The following DLGAP2 variants were observed in gnomAD, a reference collection of about 807,000 sequenced individuals.
DLGAP2 encodes DLG associated protein 2.
In DLGAP2, 26 loss-of-function variants were observed where a neutral mutation model predicts 100.3. That is an observed-to-expected ratio of 0.26 (90% confidence interval 0.19 to 0.36). The LOEUF (loss-of-function observed/expected upper bound fraction) is 0.36, where lower values mean the gene tolerates loss of function less well. Ranked by LOEUF, DLGAP2 falls within the 10% of genes least tolerant of loss-of-function variation. The pLI, the probability that DLGAP2 is intolerant of heterozygous loss-of-function variation, is 1.00. For synonymous variants in DLGAP2, 886 were observed against 630.1 expected (o/e 1.41, Z -6.08); for missense variants, 1,858 against 1,453.2 (o/e 1.28, Z -4.53).
chr8:1,289,710 G>A (rs1026530857), intron 3 of DLGAP2, among the ~76,000 whole-genome samples: 4 of 152,136 alleles, frequency 2.6e-5, no homozygotes, highest in African/African-American at 2.4e-5. Context: ...ACCCCCCCGA[G>A]GCTAATGTTG....
At chr8:1,359,316 G>T (rs988966975) in intron 3 of DLGAP2, among the ~76,000 whole-genome samples, 12 of 152,218 alleles carry the variant, frequency 7.9e-5, no homozygotes, top group Non-Finnish European at 1.3e-4. Flanking sequence ...CTGGTTAGAC[G>T]CCTTCACCCA....
intron 2 of DLGAP2, among the ~76,000 whole-genome samples, chr8:1,015,142 T>C (rs867029003): frequency 4.8e-4 from 7 of 14,468 alleles, no homozygotes; most frequent in South Asian, 7.2e-3. Flanking sequence ...GCCTCCACTG[T>C]GTGTGTGACC....
At chr8:748,522 G>C (rs112827896) in intron 1 of DLGAP2, among the ~76,000 whole-genome samples, 3,038 of 152,236 alleles carry the variant, frequency 0.02, 42 homozygotes, top group African/African-American at 0.044. Context: ...CCTGGCATTT[G>C]TTTTCTCCCA....
At chr8:1,162,166 G>T (rs1161603297) in intron 2 of DLGAP2, among the ~76,000 whole-genome samples, 1 of 152,210 alleles carries the variant, frequency 6.6e-6, no homozygotes, top group South Asian at 2.1e-4. Flanking sequence ...CAGCAGGGGC[G>T]GCCAGTGCTG....
At chr8:1,205,237 C>T (rs753001019) in intron 2 of DLGAP2, among the ~76,000 whole-genome samples, 2 of 152,178 alleles carry the variant, frequency 1.3e-5, no homozygotes, top group Admixed American at 6.5e-5. Context: ...AATGCTCTGC[C>T]TCAGTAAAGT....
At chr8:809,427 G>T (rs996245861) in intron 1 of DLGAP2, among the ~76,000 whole-genome samples, 1 of 149,528 alleles carries the variant, frequency 6.7e-6, no homozygotes, top group African/African-American at 2.5e-5. Flanking sequence ...CATCAGTAAC[G>T]TGCTTAGGGT....
At chr8:909,877 T>A (rs749395897) in intron 2 of DLGAP2, among the ~76,000 whole-genome samples, 2 of 152,226 alleles carry the variant, frequency 1.3e-5, no homozygotes, top group Non-Finnish European at 2.9e-5. Flanking sequence ...TTAGGAGATC[T>A]TGTTTGGAAA....
chr8:787,800 G>T (rs956655930), intron 1 of DLGAP2, among the ~76,000 whole-genome samples: 2 of 152,220 alleles, frequency 1.3e-5, no homozygotes, highest in African/African-American at 4.8e-5. Context: ...TACACTGGTG[G>T]TGCTGTTGGG....
At chr8:953,564 TTTCTGAAAG>T (rs1453786153) in intron 2 of DLGAP2, among the ~76,000 whole-genome samples, 3 of 152,230 alleles carry the variant, frequency 2.0e-5, no homozygotes, top group Non-Finnish European at 4.4e-5. Context: ...TTCAGTTGTT[TTTCTGAAAG>T]TTATAGTGTC....
intron 2 of DLGAP2, among the ~76,000 whole-genome samples, chr8:1,143,229 A>G (rs527830635): frequency 6.6e-6 from 1 of 152,308 alleles, no homozygotes; most frequent in Admixed American, 6.5e-5. Flanking sequence ...AACACATACA[A>G]TGTGCTGGAA....
chr8:1,067,139 CATTCTTCTGTG>C (rs1803280035), intron 2 of DLGAP2, among the ~76,000 whole-genome samples: 1 of 152,224 alleles, frequency 6.6e-6, no homozygotes, highest in South Asian at 2.1e-4. Flanking sequence ...GTGATCTTCC[CATTCTTCTGTG>C]ACCAGGGCTG....
chr8:1,140,241 A>T (rs1034877101), intron 2 of DLGAP2, among the ~76,000 whole-genome samples: 11 of 152,146 alleles, frequency 7.2e-5, no homozygotes, highest in African/African-American at 2.7e-4. Context: ...TGCCGAGGGC[A>T]TTCCTGGATG....
intron 2 of DLGAP2, among the ~76,000 whole-genome samples, chr8:1,037,293 C>T (rs1802157154): frequency 6.6e-6 from 1 of 152,224 alleles, no homozygotes; most frequent in South Asian, 2.1e-4. Flanking sequence ...ACCCTGACTT[C>T]AGGCTCTGGC....
chr8:1,147,361 G>C (rs973974047), intron 2 of DLGAP2, among the ~76,000 whole-genome samples: 2 of 151,982 alleles, frequency 1.3e-5, no homozygotes, highest in African/African-American at 4.8e-5. Context: ...TGATTCTAGT[G>C]ATCTTGCTAC....
rs189746598 is a variant in DLGAP2 at position 1,076,412 on chromosome 8, G to A, written c.73+168446G>A. Among the ~76,000 whole-genome samples the A allele has an allele frequency of 8.7e-4, 133 of 152,304 alleles. 1 individual carries two copies. The highest frequency in any genetic ancestry group is 3.0e-3 in the African/African-American group (124 of 41,572). On this transcript the variant is annotated intron_variant, in intron 2 of 14. Coordinates refer to ENST00000637795, the MANE Select transcript of DLGAP2 (RefSeq NM_001346810.2). ...CTCAGTTTCCATGCAGGAGACGTAC[G>A]GTATTTTGCGGAAAGTCGGATGGGT...
chr8:934,666 C>T (rs547385872), intron 2 of DLGAP2, among the ~76,000 whole-genome samples: 23 of 152,094 alleles, frequency 1.5e-4, no homozygotes, highest in Admixed American at 1.2e-3. Context: ...GGTGCAGATG[C>T]GGAAACTCAT....
intron 1 of DLGAP2, among the ~76,000 whole-genome samples, chr8:798,823 C>A (rs1319778926): frequency 7.6e-6 from 1 of 131,972 alleles, no homozygotes; most frequent in Non-Finnish European, 1.6e-5. Context: ...TGCCTGCTTC[C>A]GTTGGCGCTG....
intron 2 of DLGAP2, among the ~76,000 whole-genome samples, chr8:982,509 T>A (rs1800365367): frequency 6.6e-6 from 1 of 152,210 alleles, no homozygotes; most frequent in African/African-American, 2.4e-5. Context: ...GAAAGATTTT[T>A]ATGAAGTGAT....
chr8:766,614 C>T (rs570646455), intron 1 of DLGAP2, among the ~76,000 whole-genome samples: 173 of 152,244 alleles, frequency 1.1e-3, no homozygotes, highest in Middle Eastern at 3.4e-3. Flanking sequence ...TGGGCAAGCA[C>T]GCACATGCAT....
Sources: allele counts gnomAD v4.1 joint callset (sites outside exome capture counted in the v4.1 genomes callset), GRCh38; gene constraint gnomAD v4.1.1; transcripts MANE v1.5; gene names NCBI Gene and HGNC (gene_info 2026-07-23, HGNC 2026-07-21).